Variants in PDE2A observed in about 807,000 individuals in gnomAD.
PDE2A encodes cGMP-dependent 3',5'-cyclic phosphodiesterase.
Under a neutral mutation model 133.6 loss-of-function variants are expected in PDE2A, and 53 were observed. The observed-to-expected ratio is 0.40, with a 90% CI of 0.32 to 0.50. The LOEUF (loss-of-function observed/expected upper bound fraction) is 0.50. Ranked by LOEUF, PDE2A falls within the 20% of genes least tolerant of loss-of-function variation. The pLI is 0.73. For synonymous variants in PDE2A, 491 were observed against 490.2 expected (o/e 1.00, Z -0.02); for missense variants, 796 against 1,232.4 (o/e 0.65, Z 5.30).
chr11:72,642,451 C>G, intron 1 of PDE2A, 125 bp from the exon 2 acceptor site: 1 of 1,102,082 alleles, frequency 9.1e-7, no homozygotes, highest in Non-Finnish European at 1.1e-6. Context: ...TTCGCCTGGT[C>G]CGCCCGAGTG....
chr11:72,607,722 T>C (rs1435339160), intron 3 of PDE2A, among the ~76,000 whole-genome samples: 1 of 152,134 alleles, frequency 6.6e-6, no homozygotes, highest in African/African-American at 2.4e-5. Flanking sequence ...CAATGGGCTC[T>C]GGAGGGATGG....
At chr11:72,605,941 C>T (rs575819264) in intron 3 of PDE2A, among the ~76,000 whole-genome samples, 95 of 152,118 alleles carry the variant, frequency 6.2e-4, no homozygotes, top group African/African-American at 2.2e-3. Context: ...GGGGCTGGGC[C>T]CAAGGTCAGT....
chr11:72,619,902 T>C (rs1336347259), intron 2 of PDE2A, among the ~76,000 whole-genome samples: 1 of 152,142 alleles, frequency 6.6e-6, no homozygotes, highest in African/African-American at 2.4e-5. Context: ...CCCCCAGAGC[T>C]GCTGAGAAGA....
chr11:72,579,688 C>T, intron 25 of PDE2A, 80 bp from the exon 26 acceptor site: 1 of 967,828 alleles, frequency 1.0e-6, no homozygotes, highest in Admixed American at 2.1e-5. Context: ...GAAGCAGGGG[C>T]CTCGTCCAGC....
At position 72,608,586 on chromosome 11, in the gene PDE2A, G is replaced by C. The variant is rs191497467; in HGVS notation, c.234+76C>G. The C allele has an allele frequency of 8.0e-4, 610 of 762,420 alleles. 11 individuals are homozygous for C. In the Admixed American group the frequency reaches 0.012, roughly 14 times the overall value. The allele number at this position is 762,420 out of a possible 1,614,324, so 47.2% of individuals were successfully genotyped here. A position where few individuals can be genotyped will look rare whatever the true frequency, so the allele number is the denominator to read the frequency against. On this transcript the variant is annotated intron_variant, in intron 3 of 30. Transcript: ENST00000334456. ...TGCCTCTTCCTTCCTCCTTGGCCCTGAGTGAGGTACAGCATAGAGCTGGTC... is the reference window on the plus strand; with the variant it reads ...TGCCTCTTCCTTCCTCCTTGGCCCTCAGTGAGGTACAGCATAGAGCTGGTC...
At chr11:72,642,689 T>C (rs978737493) in intron 1 of PDE2A, among the ~76,000 whole-genome samples, 2 of 151,882 alleles carry the variant, frequency 1.3e-5, no homozygotes, top group African/African-American at 2.4e-5. Flanking sequence ...TCGCCACTTC[T>C]CTCGCATCTC....
chr11:72,661,670 C>T (rs1427021045), intron 1 of PDE2A, among the ~76,000 whole-genome samples: 5 of 152,214 alleles, frequency 3.3e-5, no homozygotes, highest in Non-Finnish European at 7.3e-5. Flanking sequence ...AAGGGAATTC[C>T]GGGCAACAGC....
At chr11:72,593,131 G>A (rs1012556688) in intron 6 of PDE2A, among the ~76,000 whole-genome samples, 1 of 151,326 alleles carries the variant, frequency 6.6e-6, no homozygotes, top group Admixed American at 6.6e-5. Context: ...CATGAAGAAC[G>A]TCAGGCCCTC....
rs74505059 is a variant in PDE2A, at chr11:72,612,173, G to A, written c.145-3422C>T. 3.6e-3 allele frequency among the ~76,000 whole-genome samples: 553 copies of A among 152,102 alleles called. 2 individuals are homozygous for A. The highest frequency in any genetic ancestry group is 0.013 in the African/African-American group (519 of 41,472). On this transcript the variant is annotated intron_variant, in intron 2 of 30. Transcript: ENST00000334456. The stretch of plus-strand genomic sequence containing the variant: ...TTGCTACGCACTCCTCTACTCATAC[G>A]TATATGCACAGGCTCTCACACAAAC...
intron 1 of PDE2A, among the ~76,000 whole-genome samples, chr11:72,664,219 C>T (rs1216313026): frequency 6.6e-6 from 1 of 152,176 alleles, no homozygotes; most frequent in Non-Finnish European, 1.5e-5. Flanking sequence ...CCTTGGATGC[C>T]AGTCCTGAGT....
chr11:72,579,243 G>A, intron 27 of PDE2A, 41 bp downstream of exon 27: 1 of 1,455,312 alleles, frequency 6.9e-7, no homozygotes, highest in Non-Finnish European at 9.7e-7. Flanking sequence ...TCCCCTGGTT[G>A]TTCCTCCCCA....
chr11:72,642,481 G>A, intron 1 of PDE2A, 155 bp from the exon 2 acceptor site: 2 of 654,214 alleles, frequency 3.1e-6, no homozygotes, highest in South Asian at 7.6e-5. Context: ...GCCCCGCCCC[G>A]GCCCGCCCCC....
chr11:72,596,457 ATCTCTCTC>A lies in PDE2A; in HGVS notation c.489+128_489+135del, dbSNP rs113104892. The A allele has an allele frequency of 4.7e-3, 765 of 164,148 alleles. 4 individuals are homozygous for A. Among genetic ancestry groups the A allele is most frequent in the African/African-American group, 0.023 (553 of 23,706 alleles). 10.2% of individuals were successfully genotyped at this position (164,148 alleles called of 1,614,324 possible). On this transcript the variant is annotated intron_variant, in intron 6 of 30. Coordinates refer to ENST00000334456, the MANE Select transcript of PDE2A (RefSeq NM_002599.5). Reference sequence around the variant, plus strand: ...CACTCCATCCTCGCTTATGGCTCCCATCTCTCTCTCTCTCTCTCTCTCTCTCTCACACA... The same window carrying A: ...CACTCCATCCTCGCTTATGGCTCCCATCTCTCTCTCTCTCTCTCTCACACA...
At chr11:72,584,447 C>G (rs1372072462) in intron 18 of PDE2A, 104 bp downstream of exon 18, 1 of 1,385,218 alleles carries the variant, frequency 7.2e-7, no homozygotes. Context: ...CTCCCTTATG[C>G]TCCGGGACGC....
At position 72,578,494 on chromosome 11, in the gene PDE2A, G is replaced by T; in HGVS notation, c.2490C>A (p.Phe830Leu). The change falls in exon 29 of 31, where the codon TTC (phenylalanine) becomes TTA (leucine). Residue 830 changes from phenylalanine to leucine, a missense_variant. Around this residue, in one of 7 missense-constraint regions of PDE2A, gnomAD observed 28 missense variants for 86.0 expected, o/e 0.33. Transcript: ENST00000334456. The surrounding 1 kb of genome is among the most constrained non-coding windows in gnomAD (Gnocchi z 4.2). ...RKIAELIYKEFFSQGDLEKAM... is the reference protein window; with the variant it reads ...RKIAELIYKELFSQGDLEKAM... The stretch of plus-strand genomic sequence containing the variant: ...CACATACCAGGTCTCCCTGGGAGAA[G>T]AATTCTTTGTAGATCAGCTCCTGAA... The T allele has an allele frequency of 6.2e-7, 1 of 1,613,424 alleles. No individual in the cohort carries two copies. Among genetic ancestry groups the T allele is most frequent in the Non-Finnish European group, 8.5e-7 (1 of 1,179,366 alleles).
intron 1 of PDE2A, among the ~76,000 whole-genome samples, chr11:72,650,146 C>T (rs1311877379): frequency 6.6e-6 from 1 of 151,908 alleles, no homozygotes; most frequent in Non-Finnish European, 1.5e-5. Context: ...CTCAGCCTCC[C>T]GAGTAGCTGA....
intron 1 of PDE2A, among the ~76,000 whole-genome samples, chr11:72,671,344 G>T (rs1855379727): frequency 6.6e-6 from 1 of 152,212 alleles, no homozygotes. Flanking sequence ...TGCAGCAATG[G>T]AATCATGCTG....
chr11:72,605,143 T>A lies in PDE2A; in HGVS notation c.318A>T (p.Lys106Asn). 1 of 1,605,300 alleles carries A rather than the reference T, an allele frequency of 6.2e-7. No homozygotes were observed. Among genetic ancestry groups the A allele is most frequent in the South Asian group, 1.1e-5 (1 of 89,656 alleles). Reference sequence around the variant, plus strand: ...GGGTGCAGAGAATGGCTCACCGGACTTTCCCCTCCTGGGGCAGCTCATGTG... The same window carrying A: ...GGGTGCAGAGAATGGCTCACCGGACATTCCCCTCCTGGGGCAGCTCATGTG... Reference protein sequence around the residue: ...DPPHELPQEGKVREAIISQKR... With the variant: ...DPPHELPQEGNVREAIISQKR... Residue 106 changes from lysine to asparagine, a missense_variant, in exon 4 of 31, where the codon AAA becomes AAT. By Grantham distance (94) the Lys-to-Asn change is moderately conservative. Coordinates refer to ENST00000334456, the MANE Select transcript of PDE2A (RefSeq NM_002599.5).
At chr11:72,631,038 C>T in intron 2 of PDE2A, 1 of 1,439,536 alleles carries the variant, frequency 6.9e-7, no homozygotes, top group Non-Finnish European at 9.6e-7. Flanking sequence ...GCGCCCCACC[C>T]CCTCAAGCCC....
Sources: gnomAD v4.1 joint callset for allele counts (sites outside exome capture counted in the v4.1 genomes callset) on GRCh38, gnomAD v4.1.1 for gene constraint, gnomAD v4.1.1 regional missense constraint, Gnocchi (gnomAD v3.1) non-coding constraint, MANE v1.5 for transcripts, NCBI Gene and HGNC (gene_info 2026-07-23, HGNC 2026-07-21) for gene names.